The following CFAP47 variants were observed in gnomAD, a reference collection of about 807,000 sequenced individuals.
The protein encoded by CFAP47 is cilia- and flagella-associated protein 47.
In CFAP47, 29 loss-of-function variants were observed where a neutral mutation model predicts 148.1. The observed-to-expected ratio is 0.20, with a 90% CI of 0.15 to 0.27. The LOEUF (loss-of-function observed/expected upper bound fraction) is 0.27. CFAP47 is among the 10% of genes least tolerant of loss of function. The pLI is 1.00. For synonymous variants in CFAP47, 664 were observed against 577.3 expected (o/e 1.15, Z -2.15); for missense variants, 1,872 against 1,697.5 (o/e 1.10, Z -1.81).
chrX:36,047,033 A>G lies in CFAP47; in HGVS notation c.4187A>G (p.Asn1396Ser). Reference sequence around the variant, plus strand: ...TCTAAACCTGTGTCATTTTTTACCAATCTTCTTTTCTGTGATGACAGAAAA... The same window carrying G: ...TCTAAACCTGTGTCATTTTTTACCAGTCTTCTTTTCTGTGATGACAGAAAA... Reference protein sequence around the residue: ...KSSKPVSFFTNLLFCDDRKNW... With the variant: ...KSSKPVSFFTSLLFCDDRKNW... Residue 1396 changes from asparagine (N) to serine (S), a missense_variant, in exon 26 of 64, where the codon AAT (asparagine) becomes AGT (serine). By Grantham distance (46) the Asn-to-Ser change is conservative. Coordinates refer to ENST00000378653, the MANE Select transcript of CFAP47 (RefSeq NM_001304548.2). 3 of 1,160,931 alleles carry G rather than the reference A, an allele frequency of 2.6e-6. No homozygotes were observed. The highest frequency in any genetic ancestry group is 2.6e-5 in the Admixed American group (1 of 38,646).
intron 27 of CFAP47, among the ~76,000 whole-genome samples, chrX:36,070,873 G>A (rs1937738089): frequency 8.9e-6 from 1 of 111,757 alleles, no homozygotes; most frequent in Non-Finnish European, 1.9e-5. Context: ...GGGAGTTACC[G>A]CCCCTTTACA....
intron 33 of CFAP47, among the ~76,000 whole-genome samples, chrX:36,107,414 C>G (rs1361147177): frequency 8.9e-6 from 1 of 112,153 alleles, no homozygotes; most frequent in African/African-American, 3.2e-5. Flanking sequence ...CTGTAAGCTC[C>G]GCACCAAGCT....
chrX:36,143,039 T>C (rs1324288561), intron 35 of CFAP47, among the ~76,000 whole-genome samples: 3 of 112,164 alleles, frequency 2.7e-5, no homozygotes, highest in Non-Finnish European at 5.6e-5. Context: ...ATTTTGTTCT[T>C]ATCTTAAATC....
chrX:36,355,782 G>C (rs1198219856), intron 60 of CFAP47, among the ~76,000 whole-genome samples: 1 of 111,867 alleles, frequency 8.9e-6, no homozygotes, highest in Non-Finnish European at 1.9e-5. Flanking sequence ...GGGATCTGTT[G>C]TAAAACATAG....
chrX:36,211,469 C>T (rs1940099637), intron 45 of CFAP47: 2 of 278,057 alleles, frequency 7.2e-6, no homozygotes, highest in Admixed American at 8.0e-5. Flanking sequence ...AACATCCTGT[C>T]CAGTCCACTA....
chrX:36,202,078 T>C (rs1225297345), intron 44 of CFAP47, among the ~76,000 whole-genome samples: 1 of 111,334 alleles, frequency 9.0e-6, no homozygotes, highest in Admixed American at 9.6e-5. Context: ...AATGCTTACC[T>C]CGTATATATA....
intron 21 of CFAP47, among the ~76,000 whole-genome samples, chrX:36,004,912 T>C (rs1351904368): frequency 8.9e-6 from 1 of 111,867 alleles, no homozygotes; most frequent in Non-Finnish European, 1.9e-5. Context: ...TAATGTAATC[T>C]GTTTGCTGTT....
chrX:36,252,986 G>A (rs1051714670), intron 49 of CFAP47, among the ~76,000 whole-genome samples: 2 of 112,149 alleles, frequency 1.8e-5, no homozygotes, highest in African/African-American at 6.5e-5. Flanking sequence ...TAAAGTTATT[G>A]GAATAGACTG....
At chrX:36,167,071 C>G (rs1404739121) in intron 39 of CFAP47, among the ~76,000 whole-genome samples, 5 of 111,633 alleles carry the variant, frequency 4.5e-5, no homozygotes, top group African/African-American at 1.6e-4. Flanking sequence ...TTTTCTGACT[C>G]CAGGAGGACT....
chrX:36,165,483 A>T (rs1939478684), intron 39 of CFAP47, among the ~76,000 whole-genome samples: 1 of 111,746 alleles, frequency 8.9e-6, no homozygotes, highest in African/African-American at 3.2e-5. Flanking sequence ...AAGATTCACA[A>T]CGTGTTACTC....
At chrX:36,074,400 G>T (rs1287238032) in intron 29 of CFAP47, among the ~76,000 whole-genome samples, 1 of 111,585 alleles carries the variant, frequency 9.0e-6, no homozygotes, top group Non-Finnish European at 1.9e-5. Context: ...TTCATTTGTT[G>T]ATTGCTGAGA....
At chrX:36,091,392 A>G (rs757125252) in intron 30 of CFAP47, among the ~76,000 whole-genome samples, 8 of 111,280 alleles carry the variant, frequency 7.2e-5, no homozygotes, top group Non-Finnish European at 1.5e-4. Flanking sequence ...CAGTTTCTTC[A>G]TATGCCTCTG....
At chrX:36,216,159 C>T (rs971387217) in intron 45 of CFAP47, among the ~76,000 whole-genome samples, 18 of 112,378 alleles carry the variant, frequency 1.6e-4, no homozygotes, top group Non-Finnish European at 2.6e-4. Flanking sequence ...TTTATTCATC[C>T]GTCATTTGGG....
chrX:36,161,246 CTAAT>C (rs1168025534), intron 39 of CFAP47, among the ~76,000 whole-genome samples: 1 of 111,324 alleles, frequency 9.0e-6, no homozygotes, highest in African/African-American at 3.3e-5. Flanking sequence ...AATTAAACAG[CTAAT>C]TAAAGTAAAT....
chrX:36,052,851 T>G (rs181649683), intron 26 of CFAP47, among the ~76,000 whole-genome samples: 11 of 112,485 alleles, frequency 9.8e-5, no homozygotes, highest in Non-Finnish European at 7.5e-5. Flanking sequence ...GGCATTTGGG[T>G]AGAGTGTGCT....
intron 7 of CFAP47, among the ~76,000 whole-genome samples, chrX:35,955,665 A>G (rs769871203): frequency 1.8e-4 from 20 of 112,087 alleles, no homozygotes; most frequent in South Asian, 1.1e-3. Context: ...ACCTTTACCC[A>G]TAATACTTAT....
intron 48 of CFAP47, among the ~76,000 whole-genome samples, chrX:36,245,772 C>T (rs1309894576): frequency 5.4e-5 from 6 of 111,468 alleles, no homozygotes; most frequent in African/African-American, 2.0e-4. Flanking sequence ...CACACACCTA[C>T]GATCATCTGA....
chrX:36,350,688 A>T (rs917125057), intron 59 of CFAP47, among the ~76,000 whole-genome samples: 5 of 99,580 alleles, frequency 5.0e-5, no homozygotes, highest in South Asian at 9.2e-4. Flanking sequence ...ATTATTATTT[A>T]TTTATTTTTT....
At chrX:36,107,349 C>A (rs576818625) in intron 33 of CFAP47, among the ~76,000 whole-genome samples, 1 of 111,903 alleles carries the variant, frequency 8.9e-6, no homozygotes, top group Middle Eastern at 4.7e-3. Context: ...AATTTCAAGT[C>A]TTTAATAATG....
Sources: gnomAD v4.1 joint callset for allele counts (sites outside exome capture counted in the v4.1 genomes callset) on GRCh38, gnomAD v4.1.1 for gene constraint, MANE v1.5 for transcripts, NCBI Gene and HGNC (gene_info 2026-07-23, HGNC 2026-07-21) for gene names.